Variants in COL25A1 observed in about 807,000 individuals in gnomAD.
The protein encoded by COL25A1 is collagen alpha-1(XXV) chain.
Under a neutral mutation model 128.4 loss-of-function variants are expected in COL25A1, and 103 were observed. The observed-to-expected ratio is 0.80, with a 90% CI of 0.68 to 0.94. COL25A1 has a LOEUF of 0.94. Among genes scored for constraint, COL25A1 ranks in the 40% least tolerant of loss-of-function variants. The pLI is 0.00. For synonymous variants in COL25A1, 279 were observed against 277.2 expected (o/e 1.01, Z -0.06); for missense variants, 745 against 840.0 (o/e 0.89, Z 1.40).
At chr4:109,144,524 C>G (rs1770748082) in intron 3 of COL25A1, among the ~76,000 whole-genome samples, 1 of 152,194 alleles carries the variant, frequency 6.6e-6, no homozygotes, top group Non-Finnish European at 1.5e-5. Flanking sequence ...GTGTTCTGTG[C>G]AAGGAAGATG....
Position 108,822,043 on chromosome 4 carries a change from ATT to A in COL25A1, c.1845+2129_1845+2130del, listed in dbSNP as rs10567518. 8.0e-4 allele frequency among the ~76,000 whole-genome samples: 72 copies of A among 89,930 alleles called. 1 individual carries two copies. Among genetic ancestry groups the A allele is most frequent in the South Asian group, 1.9e-3 (4 of 2,088 alleles). 59.0% of individuals were successfully genotyped at this position (89,930 alleles called of 152,430 possible). ...AAACGTGAGTATCCTCCTAATGGTA[ATT>A]TTTTTTTTTTTTTTTGGGACAGGGT... On this transcript the variant is annotated intron_variant, in intron 35 of 37. Coordinates refer to ENST00000399132, the MANE Select transcript of COL25A1 (RefSeq NM_198721.4).
chr4:108,951,028 T>C (rs7654973), intron 8 of COL25A1, among the ~76,000 whole-genome samples: 6,635 of 152,200 alleles, frequency 0.044, 372 homozygotes, highest in African/African-American at 0.13. Context: ...GGACTGGAGG[T>C]TTCTGAAAGA....
chr4:108,809,595 C>T lies in COL25A1; in HGVS notation c.*4332G>A, dbSNP rs1730639364. The T allele has an allele frequency of 6.6e-6, 1 of 151,988 alleles. No homozygotes were observed. Among genetic ancestry groups the T allele is most frequent in the African/African-American group, 2.4e-5 (1 of 41,416 alleles). The allele number at this position is 151,988 out of a possible 1,614,324, so 9.4% of individuals were successfully genotyped here. A position where few individuals can be genotyped will look rare whatever the true frequency, so the allele number is the denominator to read the frequency against. ...AATAAGCAGCATAGGCAATTTTATA[C>T]ATTTAAATATTTTGAAATGAAAAAA... is the stretch of plus-strand genomic sequence containing the variant. On this transcript the variant is annotated 3_prime_UTR_variant, in exon 38 of 38. Coordinates refer to ENST00000399132, the MANE Select transcript of COL25A1 (RefSeq NM_198721.4).
chr4:109,061,612 G>A (rs1761980978), intron 3 of COL25A1, among the ~76,000 whole-genome samples: 1 of 152,178 alleles, frequency 6.6e-6, no homozygotes. Flanking sequence ...TAGGATTACA[G>A]TTGGCCTCCC....
At chr4:108,975,777 T>C (rs1752372127) in intron 6 of COL25A1, among the ~76,000 whole-genome samples, 1 of 152,220 alleles carries the variant, frequency 6.6e-6, no homozygotes, top group Non-Finnish European at 1.5e-5. Flanking sequence ...AACTCCCTTT[T>C]AATATACTTA....
intron 3 of COL25A1, among the ~76,000 whole-genome samples, chr4:109,171,503 T>C (rs930526938): frequency 2.6e-5 from 4 of 152,184 alleles, no homozygotes; most frequent in African/African-American, 9.6e-5. Context: ...ATCCAGATTA[T>C]GGCATTTTGT....
rs138299735 is a variant in COL25A1 at position 108,975,687 on chromosome 4, T to C, written c.439-1128A>G. 4.6e-3 allele frequency among the ~76,000 whole-genome samples: 695 copies of C among 152,324 alleles called. 1 individual carries two copies. The highest frequency in any genetic ancestry group is 0.016 in the African/African-American group (669 of 41,572). On this transcript the variant is annotated intron_variant, in intron 6 of 37. Coordinates refer to ENST00000399132, the MANE Select transcript of COL25A1 (RefSeq NM_198721.4). ...CCAATATTTGATATTTTCTATCTTT[T>C]TCATTTTAGGCATTCTGGTGGTGAT...
At chr4:109,202,748 A>G (rs1776662317) in intron 3 of COL25A1, among the ~76,000 whole-genome samples, 1 of 152,196 alleles carries the variant, frequency 6.6e-6, no homozygotes, top group African/African-American at 2.4e-5. Flanking sequence ...TGATCATTCT[A>G]TCTACAGATA....
chr4:108,920,627 T>C, intron 11 of COL25A1, 23 bp from the exon 12 acceptor site: 1 of 1,592,442 alleles, frequency 6.3e-7, no homozygotes, highest in Non-Finnish European at 8.6e-7. Context: ...AACGATTCAA[T>C]TAACATACTA....
rs193184915 is a variant in COL25A1 at position 109,201,060 on chromosome 4, A to T, written c.367+99523T>A. Among the ~76,000 whole-genome samples the T allele has an allele frequency of 1.3e-3, 191 of 152,242 alleles. 1 individual carries two copies. Among genetic ancestry groups the T allele is most frequent in the African/African-American group, 4.6e-3 (190 of 41,538 alleles). On this transcript the variant is annotated intron_variant, in intron 3 of 37. Coordinates refer to ENST00000399132, the MANE Select transcript of COL25A1 (RefSeq NM_198721.4). ...TGTCCTTTCTTCATTGATATTCTCAACAAGTCTCAATACATCAATGTCATC... is the reference window on the plus strand; with the variant it reads ...TGTCCTTTCTTCATTGATATTCTCATCAAGTCTCAATACATCAATGTCATC...
intron 5 of COL25A1, among the ~76,000 whole-genome samples, chr4:109,045,796 T>C (rs902366240): frequency 1.3e-5 from 2 of 152,166 alleles, no homozygotes; most frequent in Non-Finnish European, 2.9e-5. Context: ...TGGAAACTCA[T>C]GATTATACTT....
intron 3 of COL25A1, among the ~76,000 whole-genome samples, chr4:109,200,909 TG>T (rs1260238861): frequency 6.6e-6 from 1 of 152,188 alleles, no homozygotes; most frequent in Non-Finnish European, 1.5e-5. Flanking sequence ...CATGTATACA[TG>T]ATTCCCAAAA....
At chr4:109,291,384 C>A (rs1724463752) in intron 3 of COL25A1, among the ~76,000 whole-genome samples, 2 of 152,212 alleles carry the variant, frequency 1.3e-5, no homozygotes, top group African/African-American at 4.8e-5. Flanking sequence ...CATGTATTCT[C>A]ATTGTGCCAT....
intron 2 of COL25A1, among the ~76,000 whole-genome samples, chr4:109,301,370 T>G (rs1725508941): frequency 6.6e-6 from 1 of 152,182 alleles, no homozygotes; most frequent in East Asian, 1.9e-4. Context: ...TGTAAAAGAT[T>G]TAACAGATGC....
chr4:109,236,677 T>G (rs1216913379), intron 3 of COL25A1, among the ~76,000 whole-genome samples: 1 of 152,140 alleles, frequency 6.6e-6, no homozygotes, highest in East Asian at 1.9e-4. Context: ...AATTAATTTC[T>G]TCTAGAAATG....
intron 3 of COL25A1, among the ~76,000 whole-genome samples, chr4:109,126,188 T>C (rs1768585456): frequency 6.6e-6 from 1 of 152,222 alleles, no homozygotes; most frequent in Non-Finnish European, 1.5e-5. Context: ...AAAAGAAAAG[T>C]AAAGCATGCA....
chr4:108,896,517 A>T, intron 16 of COL25A1, 150 bp downstream of exon 16: 4 of 577,836 alleles, frequency 6.9e-6, no homozygotes, highest in Non-Finnish European at 1.2e-5. Context: ...TAAATCAAGT[A>T]TTTAAATGTT....
At chr4:108,848,281 ACT>A (rs1472232650) in intron 27 of COL25A1, among the ~76,000 whole-genome samples, 1 of 151,968 alleles carries the variant, frequency 6.6e-6, no homozygotes, top group African/African-American at 2.4e-5. Flanking sequence ...ACACTACCAT[ACT>A]CTGTCAAGCT....
intron 3 of COL25A1, among the ~76,000 whole-genome samples, chr4:109,079,585 G>T (rs1270228218): frequency 6.6e-6 from 1 of 152,126 alleles, no homozygotes; most frequent in East Asian, 1.9e-4. Flanking sequence ...ATAAATTCAA[G>T]CTCAGATAGC....
Sources: gnomAD v4.1 joint callset for allele counts (sites outside exome capture counted in the v4.1 genomes callset) on GRCh38, gnomAD v4.1.1 for gene constraint, MANE v1.5 for transcripts, NCBI Gene and HGNC (gene_info 2026-07-23, HGNC 2026-07-21) for gene names.